The following CLDN11 variants were observed in gnomAD, a reference collection of about 807,000 sequenced individuals.
CLDN11 encodes the protein claudin-11.
CLDN11 carries 1 observed loss-of-function variant against 18.0 expected under a neutral mutation model. The observed-to-expected ratio is 0.06, with a 90% CI of 0.02 to 0.26. CLDN11 has a LOEUF of 0.26. Among genes scored for constraint, CLDN11 ranks in the 10% least tolerant of loss-of-function variants. CLDN11 has a pLI of 1.00. For missense variants in CLDN11, 172 were observed against 276.6 expected (o/e 0.62, Z 2.68); for synonymous variants, 116 against 121.5 (o/e 0.96, Z 0.30).
intron 2 of CLDN11, among the ~76,000 whole-genome samples, chr3:170,432,092 A>G (rs1281769109): frequency 2.0e-5 from 3 of 152,242 alleles, no homozygotes; most frequent in African/African-American, 4.8e-5. Context: ...CAAGGTAGAC[A>G]TAGGTAAGAC....
chr3:170,421,146 TG>T, intron 1 of CLDN11: 1 of 96,316 alleles, frequency 1.0e-5, no homozygotes, highest in Non-Finnish European at 1.2e-5. Flanking sequence ...GTGCATACTC[TG>T]GGGGTGGGGG....
At chr3:170,426,142 G>C (rs911622246) in intron 2 of CLDN11, among the ~76,000 whole-genome samples, 26 of 152,168 alleles carry the variant, frequency 1.7e-4, no homozygotes, top group African/African-American at 6.0e-4. Context: ...TCGGGGGCCT[G>C]GGAACTGGAC....
At chr3:170,423,463 A>C in intron 2 of CLDN11, 136 bp downstream of exon 2, 1 of 840,090 alleles carries the variant, frequency 1.2e-6, no homozygotes, top group South Asian at 1.6e-5. Context: ...GGACTCCCAC[A>C]ATCTGTATCC....
At chr3:170,425,425 G>A (rs1738830289) in intron 2 of CLDN11, among the ~76,000 whole-genome samples, 1 of 152,134 alleles carries the variant, frequency 6.6e-6, no homozygotes, top group Non-Finnish European at 1.5e-5. Flanking sequence ...AGGGATAAAA[G>A]CAAAGTATAC....
At chr3:170,424,081 G>A (rs1018850424) in intron 2 of CLDN11, among the ~76,000 whole-genome samples, 2 of 151,106 alleles carry the variant, frequency 1.3e-5, no homozygotes, top group African/African-American at 4.9e-5. Flanking sequence ...AAGTAAAGAA[G>A]AGGGCAAGAG....
chr3:170,429,516 A>G (rs150608540), intron 2 of CLDN11, among the ~76,000 whole-genome samples: 2 of 152,222 alleles, frequency 1.3e-5, no homozygotes, highest in Admixed American at 6.5e-5. Flanking sequence ...CTTCTCATCT[A>G]TCCATCCATT....
chr3:170,429,977 T>A (rs1368161764), intron 2 of CLDN11, among the ~76,000 whole-genome samples: 1 of 152,252 alleles, frequency 6.6e-6, no homozygotes, highest in African/African-American at 2.4e-5. Context: ...ATCAGTTGTT[T>A]GGGAATTAGA....
chr3:170,429,908 C>A (rs1738953986), intron 2 of CLDN11, among the ~76,000 whole-genome samples: 2 of 152,080 alleles, frequency 1.3e-5, no homozygotes, highest in Non-Finnish European at 2.9e-5. Context: ...TGATTTGAAC[C>A]CTGAGTTGTT....
At chr3:170,425,370 A>G (rs754224803) in intron 2 of CLDN11, among the ~76,000 whole-genome samples, 21 of 152,204 alleles carry the variant, frequency 1.4e-4, no homozygotes, top group Non-Finnish European at 2.6e-4. Context: ...GGTATCCACA[A>G]GTGAGAGAAC....
rs568268927 is a variant in CLDN11 at position 170,425,435 on chromosome 3, C to T, written c.391+2108C>T. Among the ~76,000 whole-genome samples the T allele has an allele frequency of 9.9e-5, 15 of 152,266 alleles. No homozygotes were observed. In the East Asian group the frequency reaches 2.9e-3, roughly 29 times the overall value. On this transcript the variant is annotated intron_variant, in intron 2 of 2. Transcript: ENST00000064724. ...AATAGAGGGATAAAAGCAAAGTATA[C>T]GTAGTTTAAACAACCCTAAAAACAA... is the stretch of plus-strand genomic sequence containing the variant.
At chr3:170,424,054 AAAAG>A (rs1323148134) in intron 2 of CLDN11, among the ~76,000 whole-genome samples, 2 of 151,856 alleles carry the variant, frequency 1.3e-5, no homozygotes, top group East Asian at 1.9e-4. Context: ...AGAAAAAGAA[AAAAG>A]AAAGAAAGAA....
At chr3:170,428,658 C>T (rs1738922968) in intron 2 of CLDN11, among the ~76,000 whole-genome samples, 2 of 152,128 alleles carry the variant, frequency 1.3e-5, no homozygotes, top group African/African-American at 2.4e-5. Flanking sequence ...TAAGAATATA[C>T]CTCAGTTTTA....
Position 170,419,612 on chromosome 3 carries a change from TC to T in CLDN11, c.226+322del, listed in dbSNP as rs1364454622. 6.6e-6 allele frequency among the ~76,000 whole-genome samples: 1 copy of T among 152,218 alleles called. No homozygotes were observed. Among genetic ancestry groups the T allele is most frequent in the African/African-American group, 2.4e-5 (1 of 41,468 alleles). On this transcript the variant is annotated intron_variant, in intron 1 of 2. Transcript: ENST00000064724. This position sits in a 1 kb window ranked among gnomAD's most constrained non-coding sequence, Gnocchi z 8.6. ...TTAATTACTGCGGTCCCAGCCCGCA[TC>T]CTTCCACCGTCCGCTTCCCGAAGTG...
At chr3:170,429,809 TAAC>T (rs1738951135) in intron 2 of CLDN11, among the ~76,000 whole-genome samples, 1 of 152,244 alleles carries the variant, frequency 6.6e-6, no homozygotes, top group African/African-American at 2.4e-5. Flanking sequence ...AAAGTTAGGT[TAAC>T]AATAGATGTG....
chr3:170,424,944 C>T (rs1197483607), intron 2 of CLDN11, among the ~76,000 whole-genome samples: 11 of 142,254 alleles, frequency 7.7e-5, no homozygotes, highest in East Asian at 2.0e-4. Flanking sequence ...TGTGTGTGCG[C>T]GCGTGTGTGT....
chr3:170,430,427 T>C (rs1217260378), intron 2 of CLDN11, among the ~76,000 whole-genome samples: 1 of 152,172 alleles, frequency 6.6e-6, no homozygotes, highest in Non-Finnish European at 1.5e-5. Flanking sequence ...AGAAGGAAAA[T>C]ACATCTTCTC....
rs1028652732 is a variant in CLDN11 at position 170,433,520 on chromosome 3, C to T, written c.*764C>T. ...TGTTTCTTCCCTTCAAGGTCATTTA[C>T]TTGTACGAGACAGAAAAAGATAGCA... On this transcript the variant is annotated 3_prime_UTR_variant, in exon 3 of 3. Coordinates refer to ENST00000064724, the MANE Select transcript of CLDN11 (RefSeq NM_005602.6). 5 of 152,318 alleles carry T rather than the reference C, an allele frequency of 3.3e-5. No individual in the cohort carries two copies. Among genetic ancestry groups the T allele is most frequent in the Non-Finnish European group, 7.4e-5 (5 of 68,012 alleles). The allele number at this position is 152,318 out of a possible 1,614,324, so 9.4% of individuals were successfully genotyped here.
intron 2 of CLDN11, among the ~76,000 whole-genome samples, chr3:170,424,948 T>C (rs963032366): frequency 2.0e-5 from 3 of 147,724 alleles, no homozygotes; most frequent in South Asian, 2.2e-4. Flanking sequence ...TGTGCGCGCG[T>C]GTGTGTGTGT....
At position 170,423,150 on chromosome 3, in the gene CLDN11, C is replaced by T; in HGVS notation, c.227-13C>T. On this transcript the variant is annotated splice_polypyrimidine_tract_variant and intron_variant, in intron 1 of 2. Coordinates refer to ENST00000064724, the MANE Select transcript of CLDN11 (RefSeq NM_005602.6). The stretch of plus-strand genomic sequence containing the variant: ...TGTGGTCTAACCTTTCCCATCTGCT[C>T]TCTTGTTCCCAGGCTACGTGCAGGC... 6.2e-7 allele frequency: 1 copy of T among 1,614,200 alleles called. No homozygotes were observed. Among genetic ancestry groups the T allele is most frequent in the Non-Finnish European group, 8.5e-7 (1 of 1,180,014 alleles).
Sources: gnomAD v4.1 joint callset for allele counts (sites outside exome capture counted in the v4.1 genomes callset) on GRCh38, gnomAD v4.1.1 for gene constraint, Gnocchi (gnomAD v3.1) non-coding constraint, MANE v1.5 for transcripts, NCBI Gene and HGNC (gene_info 2026-07-23, HGNC 2026-07-21) for gene names.